Variants in RBFOX1 observed in about 807,000 individuals in gnomAD.
RBFOX1 encodes RNA binding protein fox-1 homolog 1.
A neutral mutation model predicts 57.7 loss-of-function variants in RBFOX1; 8 were observed. That is an observed-to-expected ratio of 0.14 (90% CI 0.08 to 0.25). The LOEUF (loss-of-function observed/expected upper bound fraction) is 0.25. Among genes scored for constraint, RBFOX1 ranks in the 10% least tolerant of loss-of-function variants. The probability of loss-of-function intolerance (pLI) is 1.00; values close to 1 mark genes in which losing one functional copy is unlikely to be tolerated. For missense variants in RBFOX1, 611 were observed against 548.5 expected (o/e 1.11, Z -1.14); for synonymous variants, 326 against 222.4 (o/e 1.47, Z -4.15).
intron 4 of RBFOX1, among the ~76,000 whole-genome samples, chr16:7,413,591 C>T (rs1367903394): frequency 6.6e-6 from 1 of 151,880 alleles, no homozygotes; most frequent in Non-Finnish European, 1.5e-5. Context: ...GCTGCCACCC[C>T]CCTGCCCCCT....
rs567180416 is a variant in RBFOX1 at position 7,187,485 on chromosome 16, C to G, written c.27+135387C>G. Among the ~76,000 whole-genome samples the G allele has an allele frequency of 4.4e-4, 67 of 151,326 alleles. 1 individual carries two copies. The highest frequency in any genetic ancestry group is 1.6e-3 in the East Asian group (8 of 5,082). On this transcript the variant is annotated intron_variant, in intron 4 of 15. Transcript: ENST00000550418. ...CGGGCTAATCACGAGATCAGGAGATCGAGACCATCCTGGCTAACACAGTGA... is the reference window on the plus strand; with the variant it reads ...CGGGCTAATCACGAGATCAGGAGATGGAGACCATCCTGGCTAACACAGTGA...
At chr16:6,331,596 GTA>G (rs1243597754) in intron 2 of RBFOX1, among the ~76,000 whole-genome samples, 1 of 97,756 alleles carries the variant, frequency 1.0e-5, no homozygotes, top group Non-Finnish European at 2.1e-5. Flanking sequence ...ATATGTGTGT[GTA>G]TATATATGTG....
intron 1 of RBFOX1, among the ~76,000 whole-genome samples, chr16:6,280,477 T>A (rs770253050): frequency 5.3e-5 from 8 of 151,946 alleles, no homozygotes; most frequent in Non-Finnish European, 8.8e-5. Flanking sequence ...GTGAAAAAGA[T>A]TAAGGGAAGG....
At chr16:5,412,746 A>C (rs1170873764) in intron 1 of RBFOX1, among the ~76,000 whole-genome samples, 1 of 152,200 alleles carries the variant, frequency 6.6e-6, no homozygotes, top group African/African-American at 2.4e-5. Context: ...ACAGGGAAAA[A>C]AATCAAGCAC....
At chr16:6,483,612 G>C in intron 2 of RBFOX1, 1 of 1,516,700 alleles carries the variant, frequency 6.6e-7, no homozygotes, top group East Asian at 2.5e-5. Flanking sequence ...GAGGGAGGGA[G>C]GGAAGGGAGA....
At chr16:6,902,683 C>T (rs566688990) in intron 3 of RBFOX1, among the ~76,000 whole-genome samples, 36 of 152,256 alleles carry the variant, frequency 2.4e-4, no homozygotes, top group Admixed American at 1.1e-3. Context: ...GATTGTGCCA[C>T]TGCACTCCGG....
chr16:6,517,080 G>A (rs1386678610), intron 2 of RBFOX1, among the ~76,000 whole-genome samples: 1 of 152,152 alleles, frequency 6.6e-6, no homozygotes, highest in East Asian at 1.9e-4. Context: ...TGGAAGGCAT[G>A]TCCAAGGTTG....
intron 4 of RBFOX1, among the ~76,000 whole-genome samples, chr16:7,334,722 G>A (rs1396276823): frequency 4.6e-5 from 7 of 152,302 alleles, no homozygotes; most frequent in Non-Finnish European, 7.3e-5. Context: ...CACTCTGGAC[G>A]TATTACCCCA....
At chr16:5,774,267 A>G (rs1481793035) in intron 3 of RBFOX1, among the ~76,000 whole-genome samples, 1 of 152,188 alleles carries the variant, frequency 6.6e-6, no homozygotes, top group African/African-American at 2.4e-5. Flanking sequence ...ACAGAGACCC[A>G]CAGACCAACA....
chr16:7,361,582 C>T (rs923586896), intron 4 of RBFOX1, among the ~76,000 whole-genome samples: 6 of 152,124 alleles, frequency 3.9e-5, no homozygotes, highest in African/African-American at 1.2e-4. Flanking sequence ...TAGCTGTTCC[C>T]GGCCTTGTTT....
At chr16:6,433,754 G>C (rs906827855) in intron 2 of RBFOX1, among the ~76,000 whole-genome samples, 1 of 151,566 alleles carries the variant, frequency 6.6e-6, no homozygotes, top group African/African-American at 2.4e-5. Flanking sequence ...TTGGCTCATG[G>C]TCCCTTCCTC....
At chr16:6,328,492 A>G (rs145719165) in intron 2 of RBFOX1, among the ~76,000 whole-genome samples, 72 of 152,252 alleles carry the variant, frequency 4.7e-4, no homozygotes, top group African/African-American at 1.6e-3. Flanking sequence ...TTTTGGGTGT[A>G]TATGCTCAAT....
At chr16:5,940,649 C>A (rs944109356) in intron 4 of RBFOX1, among the ~76,000 whole-genome samples, 1 of 152,200 alleles carries the variant, frequency 6.6e-6, no homozygotes, top group African/African-American at 2.4e-5. Context: ...AGGGCCTGCC[C>A]CATAGTGGGA....
At chr16:6,384,060 CTTTTTTT>C (rs5815305) in intron 2 of RBFOX1, among the ~76,000 whole-genome samples, 6 of 126,640 alleles carry the variant, frequency 4.7e-5, no homozygotes, top group Non-Finnish European at 8.3e-5. Context: ...ATTGGTTTTG[CTTTTTTT>C]TTTTTTTTTT....
intron 3 of RBFOX1, among the ~76,000 whole-genome samples, chr16:5,654,241 A>C (rs1430999303): frequency 6.6e-6 from 1 of 152,180 alleles, no homozygotes; most frequent in Non-Finnish European, 1.5e-5. Context: ...TATAAAGTGC[A>C]TCAAGCTGTT....
At chr16:7,505,993 G>C (rs1469271131) in intron 4 of RBFOX1, among the ~76,000 whole-genome samples, 1 of 151,888 alleles carries the variant, frequency 6.6e-6, no homozygotes, top group Non-Finnish European at 1.5e-5. Flanking sequence ...AGACCATCCT[G>C]TCTAACATGG....
chr16:6,251,696 A>G (rs1162138477), intron 1 of RBFOX1, among the ~76,000 whole-genome samples: 1 of 152,110 alleles, frequency 6.6e-6, no homozygotes, highest in Non-Finnish European at 1.5e-5. Context: ...AGTTAAGGGA[A>G]CAACCAAATT....
At chr16:7,527,789 TGAA>T (rs929991951) in intron 5 of RBFOX1, among the ~76,000 whole-genome samples, 23 of 152,272 alleles carry the variant, frequency 1.5e-4, no homozygotes, top group African/African-American at 5.1e-4. Context: ...ATCCTAATTA[TGAA>T]ATAATTACAG....
chr16:6,811,579 C>G (rs574316762), intron 3 of RBFOX1, among the ~76,000 whole-genome samples: 4 of 152,230 alleles, frequency 2.6e-5, no homozygotes, highest in African/African-American at 7.2e-5. Context: ...GATTAGCAAC[C>G]TGGGTGCTAG....
Sources: allele counts gnomAD v4.1 joint callset (sites outside exome capture counted in the v4.1 genomes callset), GRCh38; gene constraint gnomAD v4.1.1; transcripts MANE v1.5; gene names NCBI Gene and HGNC (gene_info 2026-07-23, HGNC 2026-07-21).